Variants in RIPK4 observed in about 807,000 individuals in gnomAD.
RIPK4 encodes receptor interacting serine/threonine kinase 4.
RIPK4 carries 17 observed loss-of-function variants against 42.9 expected under a neutral mutation model. The observed-to-expected ratio is 0.40, with a 90% CI of 0.27 to 0.59. The LOEUF is 0.59. RIPK4 is among the 20% of genes least tolerant of loss of function. The pLI is 0.47. For synonymous variants in RIPK4, 498 were observed against 499.1 expected (o/e 1.00, Z 0.03); for missense variants, 897 against 1,104.4 (o/e 0.81, Z 2.66).
intron 3 of RIPK4, among the ~76,000 whole-genome samples, chr21:41,750,698 T>C (rs2061185892): frequency 6.6e-6 from 1 of 152,132 alleles, no homozygotes; most frequent in African/African-American, 2.4e-5. Flanking sequence ...GTTTGTTTTT[T>C]AGACAGGGTC....
In RIPK4 at chr21:41,766,883, C is replaced by T. The variant is rs6586238; in HGVS notation, c.159G>A (p.Ser53=). The T allele has an allele frequency of 0.14, 220,038 of 1,609,716 alleles. 16,468 individuals are homozygous for T. The highest frequency in any genetic ancestry group is 0.18 in the African/African-American group (13,737 of 74,472). Residue 53 remains serine (S), a synonymous_variant, in exon 1 of 8, where the codon TCG becomes TCA. Transcript: ENST00000332512. ...ACCTGTCGTCGACGTGCAGGCTGGGCGAGCACTTGATGGCCAGCCAGGTCT... is the reference window on the plus strand; with the variant it reads ...ACCTGTCGTCGACGTGCAGGCTGGGTGAGCACTTGATGGCCAGCCAGGTCT... ...HWKTWLAIKC[S]PSLHVDDRER...
At chr21:41,757,883 C>T (rs2061208636) in intron 1 of RIPK4, among the ~76,000 whole-genome samples, 1 of 148,908 alleles carries the variant, frequency 6.7e-6, no homozygotes, top group Admixed American at 6.7e-5. Flanking sequence ...CCTGTAATCC[C>T]AGCTACTCAG....
At chr21:41,757,446 A>G (rs113054825) in intron 1 of RIPK4, among the ~76,000 whole-genome samples, 14,734 of 150,846 alleles carry the variant, frequency 0.098, 759 homozygotes, top group African/African-American at 0.13. Flanking sequence ...CACTTGAACC[A>G]GGGAGGCAGA....
In RIPK4 at chr21:41,745,874, G is replaced by A. The variant is rs1256776988; in HGVS notation, c.833-12C>T. 3 of 1,596,938 alleles carry A rather than the reference G, an allele frequency of 1.9e-6. No individual in the cohort carries two copies. The highest frequency in any genetic ancestry group is 1.3e-5 in the African/African-American group (1 of 74,566). ...TTCAGAAGTAATTTCTTGTGGGGAA[G>A]AAAGGGGACATGTCACTCGGATGAT... On this transcript the variant is annotated splice_polypyrimidine_tract_variant and intron_variant, in intron 5 of 7. Transcript: ENST00000332512.
chr21:41,745,896 T>G (rs1265540184), intron 5 of RIPK4, 34 bp from the exon 6 acceptor site: 1 of 1,510,700 alleles, frequency 6.6e-7, no homozygotes, highest in Non-Finnish European at 9.2e-7. Flanking sequence ...GTCACTCGGA[T>G]GATGACTTCT....
chr21:41,756,588 C>T lies in RIPK4; in HGVS notation c.411G>A (p.Pro137=), dbSNP rs775415877. 18 of 1,613,280 alleles carry T rather than the reference C, an allele frequency of 1.1e-5. No homozygotes were observed. The highest frequency in any genetic ancestry group is 1.7e-4 in the Middle Eastern group (1 of 6,056). The change falls in exon 2 of 8, where the codon CCG becomes CCA. Residue 137 remains proline (P), a synonymous_variant. Coordinates refer to ENST00000332512, the MANE Select transcript of RIPK4 (RefSeq NM_020639.3). ...VGMNFLHCMA[P]PLLHLDLKPA... ...GCTTGAGGTCCAGGTGCAGGAGTGG[C>T]GGGGCCATGCAGTGCAGGAAGTTCA...
In RIPK4 at chr21:41,751,361, C is replaced by A; in HGVS notation, c.475-116G>T. The A allele has an allele frequency of 4.4e-6, 6 of 1,368,460 alleles. No homozygotes were observed. The highest frequency in any genetic ancestry group is 5.9e-6 in the Non-Finnish European group (6 of 1,013,194). 84.8% of individuals were successfully genotyped at this position (1,368,460 alleles called of 1,614,324 possible). On this transcript the variant is annotated intron_variant, in intron 2 of 7. Transcript: ENST00000332512. This position sits in a 1 kb window ranked among gnomAD's most constrained non-coding sequence, Gnocchi z 4.5. ...GGGTGGGTGAGAGCTTTCCAGGAGC[C>A]CCTAAGAGCCGTGTCTGTGCCTCTC...
intron 1 of RIPK4, among the ~76,000 whole-genome samples, chr21:41,765,152 C>T (rs1320328360): frequency 6.6e-6 from 1 of 152,172 alleles, no homozygotes; most frequent in African/African-American, 2.4e-5. Flanking sequence ...TTACTTTGCT[C>T]TTCCAATATA....
intron 5 of RIPK4, 84 bp downstream of exon 5, chr21:41,746,529 C>A: frequency 6.6e-7 from 1 of 1,513,038 alleles, no homozygotes; most frequent in South Asian, 1.2e-5. Flanking sequence ...CTCACCCAGG[C>A]CTGGTCCCTC....
At position 41,742,091 on chromosome 21, in the gene RIPK4, G is replaced by T. The variant is rs944617290; in HGVS notation, c.1196-94C>A. 2.7e-6 allele frequency: 3 copies of T among 1,124,274 alleles called. No individual in the cohort carries two copies. The highest frequency in any genetic ancestry group is 1.3e-6 in the Non-Finnish European group (1 of 785,718). The allele number at this position is 1,124,274 out of a possible 1,614,324, so 69.6% of individuals were successfully genotyped here. ...CTGGCTGTGGCGCTCAGGTGGAGGAGTGCCATGGCCTCCAGGCTGCTCGCT... is the reference window on the plus strand; with the variant it reads ...CTGGCTGTGGCGCTCAGGTGGAGGATTGCCATGGCCTCCAGGCTGCTCGCT... On this transcript the variant is annotated intron_variant, in intron 7 of 7. Coordinates refer to ENST00000332512, the MANE Select transcript of RIPK4 (RefSeq NM_020639.3). This position sits in a 1 kb window ranked among gnomAD's most constrained non-coding sequence, Gnocchi z 5.1.
intron 1 of RIPK4, among the ~76,000 whole-genome samples, chr21:41,762,427 A>T (rs866091613): frequency 1.1e-4 from 16 of 151,968 alleles, no homozygotes; most frequent in Middle Eastern, 3.4e-3. Flanking sequence ...CTGGGCCAAA[A>T]CCCACACGAC....
At chr21:41,756,303 C>T (rs2061203179) in intron 2 of RIPK4, among the ~76,000 whole-genome samples, 1 of 152,222 alleles carries the variant, frequency 6.6e-6, no homozygotes, top group African/African-American at 2.4e-5. Flanking sequence ...ACCAAGCTAC[C>T]CTCCAGCTAC....
At position 41,746,903 on chromosome 21, in the gene RIPK4, C is replaced by T. The variant is rs574762421; in HGVS notation, c.674-132G>A. The T allele has an allele frequency of 6.4e-5, 65 of 1,009,064 alleles. No individual in the cohort carries two copies. In the South Asian group the frequency reaches 7.9e-4, roughly 12 times the overall value. 62.5% of individuals were successfully genotyped at this position (1,009,064 alleles called of 1,614,324 possible). On this transcript the variant is annotated intron_variant, in intron 4 of 7. Coordinates refer to ENST00000332512, the MANE Select transcript of RIPK4 (RefSeq NM_020639.3). ...CACACCACCCCAGGGAGACGGCTCC[C>T]CCACTCCGTTTCAAAGGCAGAGCTT...
intron 1 of RIPK4, among the ~76,000 whole-genome samples, chr21:41,763,150 A>G (rs1010466710): frequency 6.6e-6 from 1 of 152,144 alleles, no homozygotes; most frequent in Non-Finnish European, 1.5e-5. Flanking sequence ...TGGGTTCCAC[A>G]TGAAAAATCT....
Position 41,741,617 on chromosome 21 carries a change from T to C in RIPK4, c.1576A>G (p.Lys526Glu), listed in dbSNP as rs756972085. The change falls in exon 8 of 8, where the codon AAG (lysine) becomes GAG (glutamate). Residue 526 changes from lysine to glutamate, a missense_variant. Transcript: ENST00000332512. The stretch of plus-strand genomic sequence containing the variant: ...TCCACCTCGTTGACCGAGGCGTTCT[T>C]CTCCAACAGCAGCCGTGTGCTAGAC... ...DESSTRLLLEKNASVNEVDFE... is the reference protein window; with the variant it reads ...DESSTRLLLEENASVNEVDFE... 1.9e-6 allele frequency: 3 copies of C among 1,612,996 alleles called. No homozygotes were observed.
intron 1 of RIPK4, among the ~76,000 whole-genome samples, chr21:41,758,162 A>G (rs753510090): frequency 6.8e-5 from 10 of 146,612 alleles, no homozygotes; most frequent in Admixed American, 6.8e-4. Flanking sequence ...CACATTCACA[A>G]TGTGGTACAA....
chr21:41,744,445 G>A (rs867819440), intron 6 of RIPK4, among the ~76,000 whole-genome samples: 9 of 152,138 alleles, frequency 5.9e-5, no homozygotes, highest in Admixed American at 2.0e-4. Flanking sequence ...CTCTGCACCC[G>A]CACAGCGCCA....
At chr21:41,764,691 T>G (rs1310561854) in intron 1 of RIPK4, among the ~76,000 whole-genome samples, 2 of 152,158 alleles carry the variant, frequency 1.3e-5, no homozygotes, top group African/African-American at 4.8e-5. Flanking sequence ...TGCAACCAGC[T>G]CCTGGAGCAC....
intron 1 of RIPK4, among the ~76,000 whole-genome samples, chr21:41,760,988 G>A (rs368839701): frequency 5.9e-5 from 9 of 152,200 alleles, no homozygotes; most frequent in African/African-American, 1.9e-4. Flanking sequence ...TCCCTGGGCT[G>A]AGCTGAAAGC....
Sources: allele counts gnomAD v4.1 joint callset (sites outside exome capture counted in the v4.1 genomes callset), GRCh38; gene constraint gnomAD v4.1.1; non-coding constraint Gnocchi (gnomAD v3.1); transcripts MANE v1.5; gene names NCBI Gene and HGNC (gene_info 2026-07-23, HGNC 2026-07-21).